The following CPNE4 variants were observed in gnomAD, a reference collection of about 807,000 sequenced individuals.
CPNE4 encodes the protein copine 4.
CPNE4 carries 25 observed loss-of-function variants against 67.9 expected under a neutral mutation model. The ratio of observed to expected loss-of-function variants is 0.37; its 90% CI spans 0.27 to 0.51. The LOEUF (loss-of-function observed/expected upper bound fraction) is 0.51. Ranked by LOEUF, CPNE4 falls within the 20% of genes least tolerant of loss-of-function variation. The pLI, the probability that CPNE4 is intolerant of heterozygous loss-of-function variation, is 0.93. For missense variants in CPNE4, 464 were observed against 690.8 expected (o/e 0.67, Z 3.68); for synonymous variants, 242 against 244.9 (o/e 0.99, Z 0.11).
At chr3:131,760,422 T>C (rs2082857659) in intron 2 of CPNE4, among the ~76,000 whole-genome samples, 1 of 152,156 alleles carries the variant, frequency 6.6e-6, no homozygotes, top group Non-Finnish European at 1.5e-5. Context: ...GGTATTTGAA[T>C]CTGACCTCTT....
chr3:131,889,022 T>C (rs1467877042), intron 2 of CPNE4, among the ~76,000 whole-genome samples: 1 of 152,212 alleles, frequency 6.6e-6, no homozygotes, highest in Non-Finnish European at 1.5e-5. Context: ...AACTAAGTGA[T>C]CCACTACTCA....
At chr3:131,841,273 A>G (rs2085771962) in intron 2 of CPNE4, among the ~76,000 whole-genome samples, 1 of 152,188 alleles carries the variant, frequency 6.6e-6, no homozygotes, top group Non-Finnish European at 1.5e-5. Flanking sequence ...TAGATTTCTA[A>G]ATAGGAAAAG....
At chr3:131,831,891 A>G (rs529941467) in intron 2 of CPNE4, among the ~76,000 whole-genome samples, 214 of 152,332 alleles carry the variant, frequency 1.4e-3, no homozygotes, top group African/African-American at 4.8e-3. Flanking sequence ...TCCATAAAAT[A>G]GAGCAAATAG....
At chr3:131,910,669 C>T (rs2088942974) in intron 1 of CPNE4, among the ~76,000 whole-genome samples, 1 of 152,132 alleles carries the variant, frequency 6.6e-6, no homozygotes, top group Admixed American at 6.6e-5. Flanking sequence ...TTGCTGCTTC[C>T]TCCCCTTGGC....
chr3:131,747,480 T>C (rs558248497), intron 2 of CPNE4, among the ~76,000 whole-genome samples: 18 of 152,222 alleles, frequency 1.2e-4, no homozygotes, highest in African/African-American at 4.1e-4. Context: ...TGTTTGTTTT[T>C]TGTTTTTTAG....
At chr3:132,004,175 C>CA (rs71622082) in intron 1 of CPNE4, among the ~76,000 whole-genome samples, 147 of 149,906 alleles carry the variant, frequency 9.8e-4, no homozygotes, top group Middle Eastern at 6.8e-3. Context: ...GTGAAAATTA[C>CA]AAAAAAAAAT....
At chr3:131,717,943 TTTTC>T (rs1354865112) in intron 3 of CPNE4, among the ~76,000 whole-genome samples, 54 of 124,990 alleles carry the variant, frequency 4.3e-4, no homozygotes, top group African/African-American at 4.9e-4. Flanking sequence ...TCTTTCTTTC[TTTTC>T]TTTCTTTCTC....
chr3:131,914,662 G>A lies in CPNE4; in HGVS notation c.-1-9218C>T, dbSNP rs577558826. Among the ~76,000 whole-genome samples, 8 of 152,264 alleles carry A rather than the reference G, an allele frequency of 5.3e-5. No individual in the cohort carries two copies. In the South Asian group the frequency reaches 1.7e-3, roughly 32 times the overall value. The stretch of plus-strand genomic sequence containing the variant: ...TTTTTGTCCTCATCAAACATATAAT[G>A]TTCTATAATTCGTTTAAAAATAACT... On this transcript the variant is annotated intron_variant, in intron 1 of 15. Transcript: ENST00000429747.
intron 2 of CPNE4, among the ~76,000 whole-genome samples, chr3:131,776,022 T>G (rs553038116): frequency 1.2e-4 from 18 of 152,246 alleles, no homozygotes; most frequent in African/African-American, 3.8e-4. Flanking sequence ...ACAGTTACTC[T>G]CACATTCAGG....
chr3:131,897,973 AT>A (rs1460093659), intron 2 of CPNE4, among the ~76,000 whole-genome samples: 1 of 152,120 alleles, frequency 6.6e-6, no homozygotes, highest in Non-Finnish European at 1.5e-5. Context: ...TGATAATTAA[AT>A]ATGACAATAT....
intron 2 of CPNE4, among the ~76,000 whole-genome samples, chr3:131,766,116 C>T (rs573695290): frequency 1.3e-5 from 2 of 152,250 alleles, no homozygotes; most frequent in African/African-American, 4.8e-5. Context: ...GGGATAACCT[C>T]CGGCACCAGA....
At chr3:131,862,350 C>T (rs577718561) in intron 2 of CPNE4, among the ~76,000 whole-genome samples, 3 of 152,234 alleles carry the variant, frequency 2.0e-5, no homozygotes, top group South Asian at 4.1e-4. Flanking sequence ...TTTGATAATT[C>T]TCCCATAAAA....
At chr3:131,659,601 C>A (rs2080071673) in intron 7 of CPNE4, among the ~76,000 whole-genome samples, 1 of 152,044 alleles carries the variant, frequency 6.6e-6, no homozygotes, top group South Asian at 2.1e-4. Context: ...ATGACTTTTT[C>A]AAAAACATTT....
intron 3 of CPNE4, among the ~76,000 whole-genome samples, chr3:131,716,204 GCAA>G (rs1234730234): frequency 2.0e-5 from 3 of 151,868 alleles, no homozygotes; most frequent in Non-Finnish European, 4.4e-5. Context: ...TGAGAATGTG[GCAA>G]ACTCAGCCAG....
chr3:131,880,510 T>C (rs982104328), intron 2 of CPNE4, among the ~76,000 whole-genome samples: 7 of 152,166 alleles, frequency 4.6e-5, no homozygotes, highest in Admixed American at 1.3e-4. Flanking sequence ...CAAATCACAA[T>C]GAAGTGGGAG....
intron 7 of CPNE4, among the ~76,000 whole-genome samples, chr3:131,599,481 G>T (rs1939084096): frequency 6.6e-6 from 1 of 152,184 alleles, no homozygotes; most frequent in South Asian, 2.1e-4. Context: ...TCTGAATTTG[G>T]CAGTGCAGAA....
chr3:131,784,073 A>T (rs72985864), intron 2 of CPNE4, among the ~76,000 whole-genome samples: 8,176 of 152,186 alleles, frequency 0.054, 353 homozygotes, highest in African/African-American at 0.12. Flanking sequence ...ACTTGTGCTG[A>T]CATTTTACGA....
intron 7 of CPNE4, among the ~76,000 whole-genome samples, chr3:131,663,713 C>A (rs10934970): frequency 6.6e-6 from 1 of 152,018 alleles, no homozygotes; most frequent in African/African-American, 2.4e-5. Context: ...CTGTTTTAAA[C>A]CAACCAGGCA....
intron 1 of CPNE4, among the ~76,000 whole-genome samples, chr3:132,013,365 T>C (rs1386563465): frequency 6.6e-6 from 1 of 152,218 alleles, no homozygotes; most frequent in African/African-American, 2.4e-5. Context: ...GGAAGATTTC[T>C]CAGAGGGCTA....
Sources: allele counts gnomAD v4.1 joint callset (sites outside exome capture counted in the v4.1 genomes callset), GRCh38; gene constraint gnomAD v4.1.1; transcripts MANE v1.5; gene names NCBI Gene and HGNC (gene_info 2026-07-23, HGNC 2026-07-21).